Variants in SLC9A4 observed in about 807,000 individuals in gnomAD.
SLC9A4 encodes the protein sodium/hydrogen exchanger 4.
SLC9A4 carries 63 observed loss-of-function variants against 67.4 expected under a neutral mutation model. The ratio of observed to expected loss-of-function variants is 0.93; its 90% confidence interval spans 0.76 to 1.15. SLC9A4 has a LOEUF of 1.15. Among genes scored for constraint, SLC9A4 ranks in the 50% most tolerant of loss-of-function variants. The pLI is 0.00. For synonymous variants in SLC9A4, 393 were observed against 367.2 expected, an observed-to-expected ratio of 1.07 and a Z score of -0.80; for missense variants, 1,089 against 987.7, an observed-to-expected ratio of 1.10 and a Z score of -1.38.
chr2:102,526,126 G>A lies in SLC9A4; in HGVS notation c.1951-133G>A. 3 of 817,664 alleles carry A rather than the reference G, an allele frequency of 3.7e-6. No homozygotes were observed. The South Asian group carries it at 4.6e-5, about 13-fold the overall frequency. The allele number at this position is 817,664 out of a possible 1,614,324, so 50.7% of individuals were successfully genotyped here. ...TGGTCTTGAACCCCTGACCTCAGGT[G>A]ATCCGCCCTCTTCTGCCTCCCAAAG... On this transcript the variant is annotated intron_variant, in intron 10 of 11. Transcript: ENST00000295269.
intron 8 of SLC9A4, among the ~76,000 whole-genome samples, chr2:102,517,401 AGT>A (rs1212725275): frequency 5.9e-5 from 9 of 152,212 alleles, no homozygotes; most frequent in Middle Eastern, 3.2e-3. Context: ...TAGATGTTAT[AGT>A]AGAATTGAAG....
Position 102,505,486 on chromosome 2 carries a change from G to C in SLC9A4, c.1198+15G>C. Reference sequence around the variant, plus strand: ...GAGAGCCATCAGTAAGAGACGGCAGGGCTCCAGAGTCTCCGGTCCTGCTGC... The same window carrying C: ...GAGAGCCATCAGTAAGAGACGGCAGCGCTCCAGAGTCTCCGGTCCTGCTGC... On this transcript the variant is annotated intron_variant, in intron 4 of 11. Coordinates refer to ENST00000295269, the MANE Select transcript of SLC9A4 (RefSeq NM_001011552.4). 3.7e-6 allele frequency: 6 copies of C among 1,611,022 alleles called. No individual in the cohort carries two copies. Among genetic ancestry groups the C allele is most frequent in the Non-Finnish European group, 5.1e-6 (6 of 1,178,618 alleles).
At chr2:102,481,240 C>T (rs981874617) in intron 2 of SLC9A4, among the ~76,000 whole-genome samples, 1 of 152,162 alleles carries the variant, frequency 6.6e-6, no homozygotes, top group Non-Finnish European at 1.5e-5. Flanking sequence ...CAAGATTTTC[C>T]AGAAAGCCTT....
chr2:102,526,227 T>G (rs781229700), intron 10 of SLC9A4, 32 bp from the exon 11 acceptor site: 83 of 1,604,404 alleles, frequency 5.2e-5, no homozygotes, highest in Middle Eastern at 3.3e-4. Flanking sequence ...AGACAGCTTA[T>G]TCTGCTTTTT....
chr2:102,474,603 G>T (rs1279680019), intron 1 of SLC9A4, among the ~76,000 whole-genome samples: 8 of 152,200 alleles, frequency 5.3e-5, no homozygotes, highest in African/African-American at 1.7e-4. Flanking sequence ...AGTGGGGCCA[G>T]TGAGGCACCT....
chr2:102,487,968 A>G (rs1486697881), intron 2 of SLC9A4, among the ~76,000 whole-genome samples: 3 of 152,226 alleles, frequency 2.0e-5, no homozygotes, highest in African/African-American at 7.2e-5. Context: ...ACAGCTATGA[A>G]CACATGACTT....
In SLC9A4 at chr2:102,495,556, G is replaced by A. The variant is rs372332074; in HGVS notation, c.721-7892G>A. ...ATGTGAATGACCTAGATTACATGAA[G>A]CAATGTCTAAAACTAAAGAACAAAG... is the stretch of plus-strand genomic sequence containing the variant. On this transcript the variant is annotated intron_variant, in intron 2 of 11. Transcript: ENST00000295269. Among the ~76,000 whole-genome samples the A allele has an allele frequency of 7.2e-5, 11 of 152,218 alleles. No individual in the cohort carries two copies. The East Asian group carries it at 1.5e-3, about 21-fold the overall frequency.
At chr2:102,499,846 G>A (rs4851602) in intron 2 of SLC9A4, among the ~76,000 whole-genome samples, 83,819 of 152,110 alleles carry the variant, frequency 0.55, 23,918 homozygotes, top group Middle Eastern at 0.67. Context: ...GCTCTCTTAA[G>A]AAACATGATT....
intron 6 of SLC9A4, among the ~76,000 whole-genome samples, chr2:102,510,624 C>G (rs977563196): frequency 2.0e-5 from 3 of 152,182 alleles, no homozygotes; most frequent in Non-Finnish European, 4.4e-5. Context: ...TAACCGGGGA[C>G]TTGCCTGTCT....
At chr2:102,512,445 AGAATTGT>A (rs1685185008) in intron 7 of SLC9A4, among the ~76,000 whole-genome samples, 172 bp downstream of exon 7, 1 of 152,242 alleles carries the variant, frequency 6.6e-6, no homozygotes, top group Non-Finnish European at 1.5e-5. Flanking sequence ...TGGAAAATGA[AGAATTGT>A]CAGGTGGAAG....
intron 11 of SLC9A4, among the ~76,000 whole-genome samples, chr2:102,529,134 G>T (rs905429557): frequency 2.0e-5 from 3 of 152,150 alleles, no homozygotes; most frequent in Non-Finnish European, 4.4e-5. Flanking sequence ...CCTTGACATG[G>T]GTAAATACAG....
rs377149080 is a variant in SLC9A4, at chr2:102,479,290, T to C, written c.708T>C (p.Asp236=). The C allele has an allele frequency of 5.0e-6, 8 of 1,608,848 alleles. No individual in the cohort carries two copies. In the African/African-American group the frequency reaches 1.1e-4, roughly 21 times the overall value. ...TCTTTGGGGAGGCCCTGCTCAATGA[T>C]GGCATTACTGTGGTGAGATGTCATG... ...MMIFGEALLN[D]GITVVLYNML... Residue 236 remains aspartate, a synonymous_variant, in exon 2 of 12, where the codon GAT becomes GAC. Transcript: ENST00000295269.
intron 7 of SLC9A4, 92 bp from the exon 8 acceptor site, chr2:102,513,998 A>T: frequency 6.8e-7 from 1 of 1,481,070 alleles, no homozygotes. Flanking sequence ...GAATAAAGTT[A>T]AGTAGTAAGT....
At position 102,532,617 on chromosome 2, in the gene SLC9A4, A is replaced by AGGT; in HGVS notation, c.2329_2331dup (p.Trp777dup). The stretch of plus-strand genomic sequence containing the variant: ...GGCCTCTTTGGTTGAGGTTCGGTCG[A>AGGT]GGTGGACAGCTGACCATGGACACGG... On this transcript the variant is annotated inframe_insertion, in exon 12 of 12. Coordinates refer to ENST00000295269, the MANE Select transcript of SLC9A4 (RefSeq NM_001011552.4). 1 of 1,614,058 alleles carries AGGT rather than the reference A, an allele frequency of 6.2e-7. No homozygotes were observed. Among genetic ancestry groups the AGGT allele is most frequent in the Non-Finnish European group, 8.5e-7 (1 of 1,179,990 alleles).
At chr2:102,501,612 A>AATCAGGCC (rs1684943068) in intron 2 of SLC9A4, among the ~76,000 whole-genome samples, 1 of 151,942 alleles carries the variant, frequency 6.6e-6, no homozygotes, top group Non-Finnish European at 1.5e-5. Flanking sequence ...CTTACAGAGG[A>AATCAGGCC]CCTGGAGGGG....
At chr2:102,495,095 C>G (rs904011428) in intron 2 of SLC9A4, among the ~76,000 whole-genome samples, 1 of 151,852 alleles carries the variant, frequency 6.6e-6, no homozygotes, top group Non-Finnish European at 1.5e-5. Context: ...ACTAAAGAAG[C>G]CTCAATAACT....
rs1684991693 is a variant in SLC9A4, at chr2:102,503,699, C to A, written c.972C>A (p.Gly324=). ...CTGCTGAAACCCTCTATCTCTCCGG[C>A]ATCCTGGCGTGAGTACAAACCAAGG... ...YLAAETLYLS[G]ILAITACAVT... is the part of the protein sequence containing the mutation. The change falls in exon 3 of 12, where the codon GGC becomes GGA. Residue 324 remains glycine, a synonymous_variant. Transcript: ENST00000295269. 1 of 1,613,946 alleles carries A rather than the reference C, an allele frequency of 6.2e-7. No homozygotes were observed. Among genetic ancestry groups the A allele is most frequent in the Non-Finnish European group, 8.5e-7 (1 of 1,179,940 alleles).
At chr2:102,528,213 G>A (rs968588851) in intron 11 of SLC9A4, among the ~76,000 whole-genome samples, 3 of 151,866 alleles carry the variant, frequency 2.0e-5, no homozygotes, top group Non-Finnish European at 4.4e-5. Context: ...TCACCATGTT[G>A]GCCAGGCTAG....
rs148764769 is a variant in SLC9A4, at chr2:102,477,984, A to G, written c.257-855A>G. ...TCAATAGTGGGAATTGCAGTTGTCT[A>G]TCTCTTTGGTCTTCCACCTGGCGGT... On this transcript the variant is annotated intron_variant, in intron 1 of 11. Coordinates refer to ENST00000295269, the MANE Select transcript of SLC9A4 (RefSeq NM_001011552.4). Among the ~76,000 whole-genome samples the G allele has an allele frequency of 3.1e-3, 472 of 152,330 alleles. 3 individuals carry two copies. The highest frequency in any genetic ancestry group is 0.02 in the South Asian group (99 of 4,832).
Sources: gnomAD v4.1 joint callset for allele counts (sites outside exome capture counted in the v4.1 genomes callset) on GRCh38, gnomAD v4.1.1 for gene constraint, MANE v1.5 for transcripts, NCBI Gene and HGNC (gene_info 2026-07-23, HGNC 2026-07-21) for gene names.